MAP2K5: variants seen among roughly 807,000 people sequenced by gnomAD.
MAP2K5 encodes dual specificity mitogen-activated protein kinase kinase 5.
Under a neutral mutation model 83.1 loss-of-function variants are expected in MAP2K5, and 49 were observed. That is an observed-to-expected ratio of 0.59 (90% CI 0.47 to 0.75). The LOEUF (loss-of-function observed/expected upper bound fraction) is 0.75, where lower values mean the gene tolerates loss of function less well. Among genes scored for constraint, MAP2K5 ranks in the 30% least tolerant of loss-of-function variants. The pLI is 0.00. For missense variants in MAP2K5, 457 were observed against 557.5 expected (o/e 0.82, Z 1.82); for synonymous variants, 202 against 191.8 (o/e 1.05, Z -0.44).
chr15:67,591,127 A>C (rs2085399834), intron 6 of MAP2K5, among the ~76,000 whole-genome samples: 1 of 152,006 alleles, frequency 6.6e-6, no homozygotes, highest in South Asian at 2.1e-4. Context: ...TGGGCAGATC[A>C]CGAGGTCAGG....
chr15:67,544,874 TC>T (rs1313197622), intron 1 of MAP2K5, among the ~76,000 whole-genome samples: 1 of 152,190 alleles, frequency 6.6e-6, no homozygotes, highest in African/African-American at 2.4e-5. Context: ...CCAGGAGCTT[TC>T]CATATTGTGC....
In MAP2K5 at chr15:67,769,234, T is replaced by C. The variant is rs2090097500; in HGVS notation, c.1135-368T>C. ...GCAAATCCAGTAAAAGAAACAAAGG[T>C]CAACACAAGAATAATTTCACAGCTC... On this transcript the variant is annotated intron_variant, in intron 19 of 21. Transcript: ENST00000178640. The surrounding 1 kb of genome is among the most constrained non-coding windows in gnomAD (Gnocchi z 5.2). Among the ~76,000 whole-genome samples the C allele has an allele frequency of 2.6e-5, 4 of 152,096 alleles. No homozygotes were observed. The highest frequency in any genetic ancestry group is 1.3e-4 in the Admixed American group (2 of 15,282).
intron 2 of MAP2K5, among the ~76,000 whole-genome samples, chr15:67,556,712 C>G (rs2084634107): frequency 6.6e-6 from 1 of 151,948 alleles, no homozygotes; most frequent in Admixed American, 6.6e-5. Context: ...CCACCATGCC[C>G]AGCTAATTTT....
At chr15:67,615,261 G>T (rs1207026748) in intron 8 of MAP2K5, among the ~76,000 whole-genome samples, 1 of 152,194 alleles carries the variant, frequency 6.6e-6, no homozygotes, top group Non-Finnish European at 1.5e-5. Flanking sequence ...GCCTCCCAAA[G>T]TGCTGGAATT....
chr15:67,620,491 C>G (rs1196013197), intron 8 of MAP2K5, among the ~76,000 whole-genome samples: 1 of 150,950 alleles, frequency 6.6e-6, no homozygotes, highest in East Asian at 1.9e-4. Flanking sequence ...GTAGTTGATG[C>G]CAATAGATAA....
chr15:67,748,445 AAG>A lies in MAP2K5; in HGVS notation c.1102-121_1102-120del. The A allele has an allele frequency of 1.1e-6, 1 of 884,974 alleles. No homozygotes were observed. The highest frequency in any genetic ancestry group is 2.3e-5 in the Admixed American group (1 of 42,950). 54.8% of individuals were successfully genotyped at this position (884,974 alleles called of 1,614,324 possible). ...ACCTCCTGAGCATCAATGTTTTTAT[AAG>A]AGTTTGCTGTTGTTGATTAATCTTG... On this transcript the variant is annotated intron_variant, in intron 18 of 21. Coordinates refer to ENST00000178640, the MANE Select transcript of MAP2K5 (RefSeq NM_145160.3). This position sits in a 1 kb window ranked among gnomAD's most constrained non-coding sequence, Gnocchi z 4.0.
At chr15:67,600,080 G>T (rs1211271040) in intron 7 of MAP2K5, among the ~76,000 whole-genome samples, 1 of 152,086 alleles carries the variant, frequency 6.6e-6, no homozygotes, top group Non-Finnish European at 1.5e-5. Flanking sequence ...TCGACTATAT[G>T]TGCATCTTAA....
intron 5 of MAP2K5, 106 bp downstream of exon 5, chr15:67,586,036 C>A: frequency 9.8e-7 from 1 of 1,019,232 alleles, no homozygotes. Context: ...CTCTGACAAG[C>A]GATCCTTTTA....
intron 3 of MAP2K5, 98 bp from the exon 4 acceptor site, chr15:67,580,656 C>T (rs1302116175): frequency 2.6e-6 from 2 of 779,792 alleles, no homozygotes; most frequent in African/African-American, 1.7e-5. Flanking sequence ...ATGTATATAC[C>T]AGCAATTTAC....
chr15:67,610,093 C>G (rs2085883675), intron 8 of MAP2K5, among the ~76,000 whole-genome samples: 1 of 152,152 alleles, frequency 6.6e-6, no homozygotes, highest in Admixed American at 6.5e-5. Context: ...CTTCTGACAC[C>G]TGCTTCCCAA....
At chr15:67,560,912 C>CT (rs893675104) in intron 2 of MAP2K5, among the ~76,000 whole-genome samples, 5 of 152,214 alleles carry the variant, frequency 3.3e-5, no homozygotes, top group African/African-American at 9.6e-5. Flanking sequence ...GTGCCCCCCC[C>CT]TTTTTTTAAA....
In MAP2K5 at chr15:67,546,978, A is replaced by G. The variant is rs1382310779; in HGVS notation, c.136-3056A>G. Among the ~76,000 whole-genome samples the G allele has an allele frequency of 2.0e-5, 3 of 152,000 alleles. No individual in the cohort carries two copies. The South Asian group carries it at 6.2e-4, about 32-fold the overall frequency. ...CTATTAGGGAGGCTGAGGTGGGAGA[A>G]TCTCTTGAACCTAGAGGTCGAGGCT... On this transcript the variant is annotated intron_variant, in intron 1 of 21. Coordinates refer to ENST00000178640, the MANE Select transcript of MAP2K5 (RefSeq NM_145160.3).
Position 67,559,568 on chromosome 15 carries a change from G to T in MAP2K5, c.185-3715G>T, listed in dbSNP as rs2084694108. On this transcript the variant is annotated intron_variant, in intron 2 of 21. Transcript: ENST00000178640. The surrounding 1 kb of genome is among the most constrained non-coding windows in gnomAD (Gnocchi z 4.7). ...ATATTTGTGACACACTGCAGATTTT[G>T]TGAAGATTGCTTCATAATATTGGTT... 6.6e-6 allele frequency among the ~76,000 whole-genome samples: 1 copy of T among 152,140 alleles called. No individual in the cohort carries two copies. Among genetic ancestry groups the T allele is most frequent in the South Asian group, 2.1e-4 (1 of 4,832 alleles).
At chr15:67,658,716 C>T in intron 12 of MAP2K5, 102 bp downstream of exon 12, 1 of 1,022,740 alleles carries the variant, frequency 9.8e-7, no homozygotes, top group African/African-American at 1.6e-5. Flanking sequence ...TCTTCAATCC[C>T]AGTTGGCTCC....
rs117873224 is a variant in MAP2K5 at position 67,774,961 on chromosome 15, C to A, written c.1242+2209C>A. ...CTGGAAATACTGGAAGTTATAGATTCACTATTTGGGAACTCTTATATGAAC... is the reference window on the plus strand; with the variant it reads ...CTGGAAATACTGGAAGTTATAGATTAACTATTTGGGAACTCTTATATGAAC... On this transcript the variant is annotated intron_variant, in intron 21 of 21. Coordinates refer to ENST00000178640, the MANE Select transcript of MAP2K5 (RefSeq NM_145160.3). This position sits in a 1 kb window ranked among gnomAD's most constrained non-coding sequence, Gnocchi z 4.9. Among the ~76,000 whole-genome samples, 1,143 of 152,310 alleles carry A rather than the reference C, an allele frequency of 7.5e-3. 8 individuals carry two copies. The highest frequency in any genetic ancestry group is 0.013 in the Non-Finnish European group (894 of 68,026).
In MAP2K5 at chr15:67,702,685, C is replaced by T. The variant is rs2088450346; in HGVS notation, c.973-652C>T. Among the ~76,000 whole-genome samples, 1 of 152,258 alleles carries T rather than the reference C, an allele frequency of 6.6e-6. No homozygotes were observed. Among genetic ancestry groups the T allele is most frequent in the Admixed American group, 6.5e-5 (1 of 15,294 alleles). On this transcript the variant is annotated intron_variant, in intron 15 of 21. Coordinates refer to ENST00000178640, the MANE Select transcript of MAP2K5 (RefSeq NM_145160.3). This position sits in a 1 kb window ranked among gnomAD's most constrained non-coding sequence, Gnocchi z 4.6. ...TCTTTTAGACCGGGTATTTGCTATA[C>T]ATCTTGAGTGGAGGACCAAGAGTCC...
intron 17 of MAP2K5, among the ~76,000 whole-genome samples, chr15:67,728,784 A>G (rs1371273894): frequency 1.3e-5 from 2 of 152,248 alleles, no homozygotes; most frequent in East Asian, 1.9e-4. Flanking sequence ...GTTGTATTAC[A>G]CATACTAATT....
At chr15:67,687,717 C>T (rs1034547813) in intron 13 of MAP2K5, among the ~76,000 whole-genome samples, 1 of 152,150 alleles carries the variant, frequency 6.6e-6, no homozygotes, top group Non-Finnish European at 1.5e-5. Flanking sequence ...AGGCCAAATT[C>T]ATGCTCTTCT....
intron 13 of MAP2K5, among the ~76,000 whole-genome samples, chr15:67,687,754 A>T: frequency 6.6e-6 from 1 of 152,128 alleles, no homozygotes; most frequent in East Asian, 1.9e-4. Context: ...TCACCTGTTT[A>T]GTAGAGACAC....
Sources: gnomAD v4.1 joint callset for allele counts (sites outside exome capture counted in the v4.1 genomes callset) on GRCh38, gnomAD v4.1.1 for gene constraint, Gnocchi (gnomAD v3.1) non-coding constraint, MANE v1.5 for transcripts, NCBI Gene and HGNC (gene_info 2026-07-23, HGNC 2026-07-21) for gene names.